Variants in LRMDA observed in about 807,000 individuals in gnomAD.
LRMDA encodes the protein leucine-rich melanocyte differentiation-associated protein.
Under a neutral mutation model 29.8 loss-of-function variants are expected in LRMDA, and 18 were observed. The observed-to-expected ratio is 0.60, with a 90% CI of 0.42 to 0.90. LRMDA has a LOEUF of 0.90. LRMDA is among the 40% of genes least tolerant of loss of function. The pLI is 0.00. For synonymous variants in LRMDA, 125 were observed against 109.4 expected (o/e 1.14, Z -0.89); for missense variants, 273 against 273.9 (o/e 1.00, Z 0.02).
chr10:76,389,544 C>T (rs1200551917), intron 6 of LRMDA, among the ~76,000 whole-genome samples: 2 of 152,162 alleles, frequency 1.3e-5, no homozygotes, highest in African/African-American at 4.8e-5. Flanking sequence ...AGTACCTTCA[C>T]ATTGTGGTAC....
At chr10:76,297,661 A>T (rs750073954) in intron 5 of LRMDA, among the ~76,000 whole-genome samples, 1 of 152,154 alleles carries the variant, frequency 6.6e-6, no homozygotes, top group African/African-American at 2.4e-5. Context: ...TGGAAAGTAG[A>T]ATCCTAAATA....
chr10:76,184,519 C>T (rs536152406), intron 5 of LRMDA, among the ~76,000 whole-genome samples: 1 of 152,238 alleles, frequency 6.6e-6, no homozygotes, highest in South Asian at 2.1e-4. Context: ...CATGCCTTGC[C>T]CTGTAGCTTT....
intron 2 of LRMDA, among the ~76,000 whole-genome samples, chr10:75,944,522 C>T (rs1047172308): frequency 6.6e-6 from 1 of 151,472 alleles, no homozygotes; most frequent in African/African-American, 2.4e-5. Context: ...TTTTTTTCTC[C>T]TACTGAGACT....
intron 2 of LRMDA, among the ~76,000 whole-genome samples, chr10:75,482,311 C>G (rs1024301322): frequency 1.3e-5 from 2 of 152,172 alleles, no homozygotes; most frequent in African/African-American, 4.8e-5. Flanking sequence ...GTGGAGCAGA[C>G]CTAAGCCTGC....
rs553253164 is a variant in LRMDA, at chr10:75,937,542, C to T, written c.132-98466C>T. 5.3e-5 allele frequency among the ~76,000 whole-genome samples: 8 copies of T among 152,288 alleles called. No homozygotes were observed. The South Asian group carries it at 1.2e-3, about 24-fold the overall frequency. ...TGTGTTTGAAAGCAACACTGCCCCCCGTAACTCAAGCATGTGCACCATCGA... is the reference window on the plus strand; with the variant it reads ...TGTGTTTGAAAGCAACACTGCCCCCTGTAACTCAAGCATGTGCACCATCGA... On this transcript the variant is annotated intron_variant, in intron 2 of 6. Transcript: ENST00000611255.
chr10:75,709,388 CTGTG>C (rs1056603816), intron 2 of LRMDA, among the ~76,000 whole-genome samples: 1 of 150,206 alleles, frequency 6.7e-6, no homozygotes, highest in Non-Finnish European at 1.5e-5. Flanking sequence ...GTATGTGTGC[CTGTG>C]TGTGTGCATG....
At chr10:76,250,763 C>A (rs1852464785) in intron 5 of LRMDA, among the ~76,000 whole-genome samples, 1 of 152,162 alleles carries the variant, frequency 6.6e-6, no homozygotes, top group African/African-American at 2.4e-5. Flanking sequence ...AGGCCTGTTT[C>A]CTGTTCCTAA....
At chr10:75,964,938 T>C (rs1846831086) in intron 2 of LRMDA, among the ~76,000 whole-genome samples, 1 of 152,144 alleles carries the variant, frequency 6.6e-6, no homozygotes, top group Non-Finnish European at 1.5e-5. Context: ...CTAATTTTTG[T>C]ATTTTTTGGT....
At chr10:76,291,474 T>G (rs562918853) in intron 5 of LRMDA, among the ~76,000 whole-genome samples, 75 of 152,352 alleles carry the variant, frequency 4.9e-4, no homozygotes, top group Admixed American at 3.3e-3. Flanking sequence ...CTGTCTGGAA[T>G]GCTTTTCTTT....
chr10:75,550,418 G>A (rs1262869464), intron 2 of LRMDA, among the ~76,000 whole-genome samples: 1 of 152,048 alleles, frequency 6.6e-6, no homozygotes, highest in Non-Finnish European at 1.5e-5. Flanking sequence ...TTGATGAACT[G>A]AGTCTTTGTT....
intron 5 of LRMDA, among the ~76,000 whole-genome samples, chr10:76,068,817 G>C (rs1266586073): frequency 1.3e-5 from 2 of 152,208 alleles, no homozygotes; most frequent in East Asian, 1.9e-4. Flanking sequence ...CTTTGGAGGA[G>C]TGTCAAACAG....
At chr10:76,347,607 A>G (rs555168637) in intron 6 of LRMDA, among the ~76,000 whole-genome samples, 13 of 152,320 alleles carry the variant, frequency 8.5e-5, no homozygotes, top group African/African-American at 3.1e-4. Context: ...CCTCTGGGGA[A>G]AATAGACCCC....
chr10:76,117,765 A>C (rs1849691991), intron 5 of LRMDA, among the ~76,000 whole-genome samples: 1 of 152,196 alleles, frequency 6.6e-6, no homozygotes, highest in South Asian at 2.1e-4. Flanking sequence ...TGGCAGACTG[A>C]TCCAAGAAGA....
At chr10:75,435,627 T>G (rs142099903) in intron 1 of LRMDA, among the ~76,000 whole-genome samples, 1 of 152,204 alleles carries the variant, frequency 6.6e-6, no homozygotes, top group African/African-American at 2.4e-5. Flanking sequence ...TTTCTTAGTC[T>G]TCCTGGGATG....
At chr10:75,519,305 A>T (rs956816748) in intron 2 of LRMDA, among the ~76,000 whole-genome samples, 1 of 152,198 alleles carries the variant, frequency 6.6e-6, no homozygotes, top group African/African-American at 2.4e-5. Flanking sequence ...GGGGTGTTAA[A>T]GTCTCCAACT....
At chr10:75,773,472 A>T (rs1843270289) in intron 2 of LRMDA, among the ~76,000 whole-genome samples, 1 of 152,188 alleles carries the variant, frequency 6.6e-6, no homozygotes, top group African/African-American at 2.4e-5. Flanking sequence ...GTCTGGTGAG[A>T]GGGGACACTG....
At chr10:76,471,849 AG>A (rs1842621019) in intron 6 of LRMDA, among the ~76,000 whole-genome samples, 1 of 151,822 alleles carries the variant, frequency 6.6e-6, no homozygotes, top group Non-Finnish European at 1.5e-5. Context: ...TGATGATAAA[AG>A]TGTCAATTTG....
At chr10:75,652,089 A>G (rs1362130847) in intron 2 of LRMDA, among the ~76,000 whole-genome samples, 1 of 152,184 alleles carries the variant, frequency 6.6e-6, no homozygotes, top group Non-Finnish European at 1.5e-5. Context: ...AATAGTTACC[A>G]CCATCTTGTT....
chr10:76,505,099 C>CT (rs75101757), intron 6 of LRMDA, among the ~76,000 whole-genome samples: 5,160 of 140,218 alleles, frequency 0.037, 170 homozygotes, highest in African/African-American at 0.088. Flanking sequence ...TATGAAATTT[C>CT]TTTTTTTTTT....
Sources: gnomAD v4.1 joint callset for allele counts (sites outside exome capture counted in the v4.1 genomes callset) on GRCh38, gnomAD v4.1.1 for gene constraint, MANE v1.5 for transcripts, NCBI Gene and HGNC (gene_info 2026-07-23, HGNC 2026-07-21) for gene names.